NUF2: variants seen among roughly 807,000 people sequenced by gnomAD.
NUF2 encodes NUF2 component of NDC80 kinetochore complex.
In NUF2, 34 loss-of-function variants were observed where a neutral mutation model predicts 61.8. The ratio of observed to expected loss-of-function variants is 0.55; its 90% CI spans 0.42 to 0.73. The LOEUF is 0.73. Ranked by LOEUF, NUF2 falls within the 30% of genes least tolerant of loss-of-function variation. The pLI is 0.00. For synonymous variants in NUF2, 172 were observed against 181.6 expected (o/e 0.95, Z 0.42); for missense variants, 445 against 539.1 (o/e 0.83, Z 1.73).
At chr1:163,351,329 T>A (rs1651310682) in intron 13 of NUF2, among the ~76,000 whole-genome samples, 1 of 152,232 alleles carries the variant, frequency 6.6e-6, no homozygotes, top group South Asian at 2.1e-4. Context: ...GACTCCTGTC[T>A]TTTCCACATA....
chr1:163,352,275 A>T (rs1040153998), intron 13 of NUF2, among the ~76,000 whole-genome samples: 4 of 152,242 alleles, frequency 2.6e-5, no homozygotes, highest in African/African-American at 9.6e-5. Flanking sequence ...CGTCTGTCAC[A>T]TAATTTTGTA....
At chr1:163,340,155 A>T (rs1436061176) in intron 8 of NUF2, 4 of 506,392 alleles carry the variant, frequency 7.9e-6, no homozygotes, top group Non-Finnish European at 6.9e-6. Flanking sequence ...TAGGACATAA[A>T]TACTAGGCCA....
intron 12 of NUF2, 24 bp from the exon 13 acceptor site, chr1:163,348,921 T>C: frequency 6.3e-7 from 1 of 1,599,422 alleles, no homozygotes; most frequent in Admixed American, 1.8e-5. Context: ...GGATTAAATA[T>C]TAGCTGTCTC....
intron 5 of NUF2, among the ~76,000 whole-genome samples, chr1:163,335,684 A>G (rs1650735826): frequency 1.3e-5 from 2 of 151,964 alleles, no homozygotes; most frequent in East Asian, 1.9e-4. Context: ...AAAATATTCA[A>G]CTATTCTGTA....
chr1:163,338,149 G>C, intron 7 of NUF2, 56 bp downstream of exon 7: 1 of 1,361,398 alleles, frequency 7.3e-7, no homozygotes, highest in Non-Finnish European at 1.0e-6. Flanking sequence ...AAAATGAATT[G>C]TAAGTAGTAT....
At chr1:163,351,685 G>T (rs1034225723) in intron 13 of NUF2, among the ~76,000 whole-genome samples, 2 of 152,142 alleles carry the variant, frequency 1.3e-5, no homozygotes, top group Non-Finnish European at 2.9e-5. Context: ...TTCAGGCTAC[G>T]TTGTGATATC....
chr1:163,334,214 T>A (rs1270603842), intron 5 of NUF2, among the ~76,000 whole-genome samples: 1 of 152,168 alleles, frequency 6.6e-6, no homozygotes, highest in African/African-American at 2.4e-5. Flanking sequence ...AATCCAATCC[T>A]CCACTGATTG....
chr1:163,333,322 A>G (rs76325642), intron 5 of NUF2, among the ~76,000 whole-genome samples: 25,750 of 151,976 alleles, frequency 0.17, 2,236 homozygotes, highest in Non-Finnish European at 0.19. Context: ...TTTCTTGTAG[A>G]CAGCATATGG....
At chr1:163,345,305 A>G (rs755713204) in intron 10 of NUF2, among the ~76,000 whole-genome samples, 5 of 152,156 alleles carry the variant, frequency 3.3e-5, no homozygotes, top group Non-Finnish European at 7.4e-5. Flanking sequence ...AGTCGTTATT[A>G]TACAAATGAA....
chr1:163,329,268 T>C (rs568307687), intron 5 of NUF2, among the ~76,000 whole-genome samples: 2 of 152,310 alleles, frequency 1.3e-5, no homozygotes, highest in East Asian at 3.9e-4. Context: ...GAAATTATCT[T>C]TTATCATTAA....
At chr1:163,337,126 T>A (rs1313504859) in intron 6 of NUF2, among the ~76,000 whole-genome samples, 1 of 152,088 alleles carries the variant, frequency 6.6e-6, no homozygotes, top group Non-Finnish European at 1.5e-5. Flanking sequence ...TTAGGAAATG[T>A]TAGAGAATAT....
At chr1:163,347,620 TC>T in intron 11 of NUF2, 142 bp from the exon 12 acceptor site, 1 of 571,304 alleles carries the variant, frequency 1.8e-6, no homozygotes, top group Non-Finnish European at 2.9e-6. Flanking sequence ...TCTGCATTTT[TC>T]TGCCGGACTT....
intron 9 of NUF2, among the ~76,000 whole-genome samples, chr1:163,341,189 C>T (rs1160487240): frequency 6.6e-6 from 1 of 151,934 alleles, no homozygotes; most frequent in East Asian, 1.9e-4. Context: ...AAAAAAAAAT[C>T]TCATTTTATT....
At chr1:163,347,670 T>C in intron 11 of NUF2, 93 bp from the exon 12 acceptor site, 1 of 918,020 alleles carries the variant, frequency 1.1e-6, no homozygotes. Context: ...TAAATTTGTG[T>C]TTAATTATAG....
In NUF2 at chr1:163,326,133, G is replaced by A. The variant is rs777086452; in HGVS notation, c.82G>A (p.Gly28Ser). ...IRNKILTGADGKNLTKNDLYP... is the reference protein window; with the variant it reads ...IRNKILTGADSKNLTKNDLYP... ...CAATAAGATCTTAACAGGAGCTGAT[G>A]GTAAAAACCTCACCAAGAATGATCT... Residue 28 changes from glycine (G) to serine (S), a missense_variant, in exon 2 of 14, where the codon GGT becomes AGT. Transcript: ENST00000271452. 6.2e-7 allele frequency: 1 copy of A among 1,612,976 alleles called. No individual in the cohort carries two copies. The highest frequency in any genetic ancestry group is 1.7e-5 in the Admixed American group (1 of 60,018).
chr1:163,337,296 T>C (rs112980485), intron 6 of NUF2, among the ~76,000 whole-genome samples: 2 of 152,066 alleles, frequency 1.3e-5, no homozygotes, highest in African/African-American at 4.8e-5. Context: ...TCCAAGGCAA[T>C]CTCTTTAACA....
At chr1:163,340,795 C>A (rs188339230) in intron 9 of NUF2, among the ~76,000 whole-genome samples, 103 of 152,250 alleles carry the variant, frequency 6.8e-4, no homozygotes, top group Admixed American at 2.2e-3. Context: ...AATAGATCCT[C>A]ATTATATTAA....
intron 6 of NUF2, 30 bp downstream of exon 6, chr1:163,336,878 T>C (rs756305059): frequency 7.6e-7 from 1 of 1,314,432 alleles, no homozygotes; most frequent in South Asian, 1.2e-5. Flanking sequence ...TGGGGTTACA[T>C]GCCAGATCAG....
chr1:163,327,842 T>G (rs1650477214), intron 3 of NUF2: 8 of 399,754 alleles, frequency 2.0e-5, no homozygotes. Context: ...TTTATAGGTT[T>G]GTTTTCAGAG....
Sources: gnomAD v4.1 joint callset for allele counts (sites outside exome capture counted in the v4.1 genomes callset) on GRCh38, gnomAD v4.1.1 for gene constraint, MANE v1.5 for transcripts, NCBI Gene and HGNC (gene_info 2026-07-23, HGNC 2026-07-21) for gene names.